ANTXR1: variants seen among roughly 807,000 people sequenced by gnomAD.
ANTXR1 encodes the protein anthrax toxin receptor 1.
Under a neutral mutation model 78.1 loss-of-function variants are expected in ANTXR1, and 19 were observed. The observed-to-expected ratio is 0.24, with a 90% CI of 0.17 to 0.36. The LOEUF is 0.36. ANTXR1 is among the 10% of genes least tolerant of loss of function. The pLI is 1.00. For missense variants in ANTXR1, 518 were observed against 718.6 expected (o/e 0.72, Z 3.19); for synonymous variants, 273 against 260.5 (o/e 1.05, Z -0.46).
At position 69,013,885 on chromosome 2, in the gene ANTXR1, CTTCTT is replaced by C. The variant is rs1670945408; in HGVS notation, c.152+239_152+243del. ...CGCCGCTTGCTCGGAAGGGGACAGA[CTTCTT>C]TTCTGTCTTGCTTTCTGTGTCCCAG... On this transcript the variant is annotated intron_variant, in intron 1 of 17. Transcript: ENST00000303714. This position sits in a 1 kb window ranked among gnomAD's most constrained non-coding sequence, Gnocchi z 5.0. 6.6e-6 allele frequency among the ~76,000 whole-genome samples: 1 copy of C among 152,192 alleles called. No homozygotes were observed. The highest frequency in any genetic ancestry group is 2.4e-5 in the African/African-American group (1 of 41,452).
chr2:69,214,839 C>T (rs1448763750), intron 17 of ANTXR1, among the ~76,000 whole-genome samples: 3 of 152,232 alleles, frequency 2.0e-5, no homozygotes, highest in Non-Finnish European at 4.4e-5. Context: ...TTGGGATCTT[C>T]CTTCCAGTAG....
chr2:69,058,250 A>G (rs1476830832), intron 3 of ANTXR1, among the ~76,000 whole-genome samples: 1 of 152,232 alleles, frequency 6.6e-6, no homozygotes, highest in East Asian at 1.9e-4. Context: ...TTCTATTGGA[A>G]GAAGATGCCA....
intron 10 of ANTXR1, among the ~76,000 whole-genome samples, chr2:69,107,665 CA>C (rs1466540280): frequency 6.6e-6 from 1 of 151,402 alleles, no homozygotes; most frequent in Non-Finnish European, 1.5e-5. Flanking sequence ...ACATCTAAAT[CA>C]AATATTGGCA....
chr2:69,085,055 T>C (rs923923062), intron 8 of ANTXR1, among the ~76,000 whole-genome samples: 18 of 152,070 alleles, frequency 1.2e-4, no homozygotes, highest in African/African-American at 4.3e-4. Flanking sequence ...GGCAACTTTT[T>C]AAACATTTTA....
At chr2:69,122,373 A>G (rs570447354) in intron 10 of ANTXR1, among the ~76,000 whole-genome samples, 10 of 152,194 alleles carry the variant, frequency 6.6e-5, no homozygotes, top group Admixed American at 2.0e-4. Context: ...TTCCACAAAT[A>G]TGGCTTATCT....
chr2:69,095,796 C>A (rs1671380338), intron 9 of ANTXR1, among the ~76,000 whole-genome samples: 1 of 152,210 alleles, frequency 6.6e-6, no homozygotes, highest in Middle Eastern at 3.2e-3. Flanking sequence ...TCCGGGTCTC[C>A]TTTACAGCTT....
chr2:69,058,352 G>A (rs1301290044), intron 3 of ANTXR1, among the ~76,000 whole-genome samples: 2 of 152,124 alleles, frequency 1.3e-5, no homozygotes, highest in East Asian at 3.8e-4. Flanking sequence ...AAGGTAGCTG[G>A]TGACTCTAAG....
intron 17 of ANTXR1, among the ~76,000 whole-genome samples, chr2:69,201,827 G>C (rs868315239): frequency 6.6e-6 from 1 of 152,140 alleles, no homozygotes; most frequent in Non-Finnish European, 1.5e-5. Flanking sequence ...TTAACTTGTG[G>C]AGTTCACAGT....
intron 10 of ANTXR1, among the ~76,000 whole-genome samples, chr2:69,107,937 C>T (rs1573887415): frequency 1.3e-5 from 2 of 152,314 alleles, no homozygotes; most frequent in East Asian, 3.9e-4. Context: ...GAGGAATTCA[C>T]TTTAAAGTTC....
chr2:69,099,245 A>G (rs989612479), intron 9 of ANTXR1, among the ~76,000 whole-genome samples: 1 of 152,194 alleles, frequency 6.6e-6, no homozygotes, highest in Admixed American at 6.5e-5. Context: ...TTTATTTAGC[A>G]TAATGTTTTC....
intron 14 of ANTXR1, among the ~76,000 whole-genome samples, chr2:69,170,666 A>G (rs890776999): frequency 2.6e-5 from 4 of 152,188 alleles, no homozygotes; most frequent in Admixed American, 1.3e-4. Flanking sequence ...ATGTGTGTAG[A>G]TCAGGCACAG....
intron 1 of ANTXR1, among the ~76,000 whole-genome samples, chr2:69,023,875 GA>G (rs1671268269): frequency 1.3e-5 from 2 of 152,132 alleles, no homozygotes; most frequent in African/African-American, 4.8e-5. Context: ...ACAAAGTAAA[GA>G]AAAAGGCAAC....
At chr2:69,228,460 A>G (rs1172473034) in intron 17 of ANTXR1, among the ~76,000 whole-genome samples, 1 of 152,228 alleles carries the variant, frequency 6.6e-6, no homozygotes, top group Non-Finnish European at 1.5e-5. Flanking sequence ...GAAAGAGCAT[A>G]GAGTCTAAAC....
In ANTXR1 at chr2:69,247,126, C is replaced by G. The variant is rs1039010516; in HGVS notation, c.*1641C>G. The G allele has an allele frequency of 6.6e-6, 1 of 152,646 alleles. No individual in the cohort carries two copies. Among genetic ancestry groups the G allele is most frequent in the Admixed American group, 6.5e-5 (1 of 15,272 alleles). The allele number at this position is 152,646 out of a possible 1,614,324, so 9.5% of individuals were successfully genotyped here. A position where few individuals can be genotyped will look rare whatever the true frequency, so the allele number is the denominator to read the frequency against. ...TGCTAATCAATCACAGCACTATTTCCTATTAAGCCCACTGATTTCTTCACA... is the reference window on the plus strand; with the variant it reads ...TGCTAATCAATCACAGCACTATTTCGTATTAAGCCCACTGATTTCTTCACA... On this transcript the variant is annotated 3_prime_UTR_variant, in exon 18 of 18. Coordinates refer to ENST00000303714, the MANE Select transcript of ANTXR1 (RefSeq NM_032208.3).
intron 17 of ANTXR1, among the ~76,000 whole-genome samples, chr2:69,206,080 C>T (rs1674894197): frequency 1.3e-5 from 2 of 152,130 alleles, no homozygotes; most frequent in Admixed American, 1.3e-4. Context: ...ACAGTGATGA[C>T]AGAGCTAGTT....
chr2:69,193,245 C>G, intron 16 of ANTXR1, 90 bp from the exon 17 acceptor site: 1 of 1,047,412 alleles, frequency 9.5e-7, no homozygotes, highest in Non-Finnish European at 1.5e-6. Context: ...GTTCACATGA[C>G]TGAAGAAGCA....
chr2:69,124,537 G>A lies in ANTXR1; in HGVS notation c.873-28G>A, dbSNP rs1456483550. 7 of 1,610,364 alleles carry A rather than the reference G, an allele frequency of 4.3e-6. No homozygotes were observed. The South Asian group carries it at 7.7e-5, about 18-fold the overall frequency. ...TGTTGCTCATTGCACGCCCTGCTGA[G>A]AGTCTGCTTCCCTTGTTGTCATTGC... On this transcript the variant is annotated intron_variant, in intron 11 of 17. Transcript: ENST00000303714.
intron 10 of ANTXR1, among the ~76,000 whole-genome samples, chr2:69,109,955 A>G (rs1031708653): frequency 6.6e-6 from 1 of 152,238 alleles, no homozygotes; most frequent in Non-Finnish European, 1.5e-5. Flanking sequence ...TATAAAGACA[A>G]TTCCTAAAAT....
chr2:69,132,579 T>C (rs1419062994), intron 12 of ANTXR1, among the ~76,000 whole-genome samples: 1 of 152,206 alleles, frequency 6.6e-6, no homozygotes. Context: ...TCCAACATAA[T>C]AAAAAATTAT....
Sources: gnomAD v4.1 joint callset for allele counts (sites outside exome capture counted in the v4.1 genomes callset) on GRCh38, gnomAD v4.1.1 for gene constraint, Gnocchi (gnomAD v3.1) non-coding constraint, MANE v1.5 for transcripts, NCBI Gene and HGNC (gene_info 2026-07-23, HGNC 2026-07-21) for gene names.